The following CHCHD6 variants were observed in gnomAD, a reference collection of about 807,000 sequenced individuals.
CHCHD6 encodes MICOS complex subunit MIC25.
CHCHD6 carries 28 observed loss-of-function variants against 32.3 expected under a neutral mutation model. The ratio of observed to expected loss-of-function variants is 0.87; its 90% CI spans 0.64 to 1.19. The LOEUF (loss-of-function observed/expected upper bound fraction) is 1.19, where lower values mean the gene tolerates loss of function less well. CHCHD6 is among the 50% of genes most tolerant of loss of function. The probability of loss-of-function intolerance (pLI) is 0.00; values close to 1 mark genes in which losing one functional copy is unlikely to be tolerated. For synonymous variants in CHCHD6, 122 were observed against 117.5 expected (o/e 1.04, Z -0.25); for missense variants, 333 against 307.0 (o/e 1.08, Z -0.63).
chr3:126,941,278 G>A (rs932445703), intron 6 of CHCHD6, among the ~76,000 whole-genome samples: 3 of 152,126 alleles, frequency 2.0e-5, no homozygotes, highest in Non-Finnish European at 4.4e-5. Context: ...TGTCCCATTA[G>A]CACTGATATA....
rs2078699400 is a variant in CHCHD6, at chr3:126,950,348, A to G, written c.567-7068A>G. On this transcript the variant is annotated intron_variant, in intron 6 of 7. Transcript: ENST00000290913. ...GTCCTACAAGAAGGGAGGTCTGCAG[A>G]GAAGCTTATTGTGGATCAGCAGGAA... Among the ~76,000 whole-genome samples, 3 of 152,108 alleles carry G rather than the reference A, an allele frequency of 2.0e-5. No homozygotes were observed. The South Asian group carries it at 6.2e-4, about 31-fold the overall frequency.
intron 5 of CHCHD6, among the ~76,000 whole-genome samples, chr3:126,903,470 A>G (rs985057536): frequency 1.3e-5 from 2 of 152,168 alleles, no homozygotes; most frequent in Non-Finnish European, 2.9e-5. Context: ...ACCCTGTACA[A>G]TCTTATTCAG....
At chr3:126,959,039 C>G (rs1177882500) in intron 7 of CHCHD6, among the ~76,000 whole-genome samples, 2 of 152,350 alleles carry the variant, frequency 1.3e-5, no homozygotes, top group African/African-American at 4.8e-5. Context: ...AGACTCCATC[C>G]TCTCTCCATC....
intron 4 of CHCHD6, among the ~76,000 whole-genome samples, chr3:126,735,965 G>T (rs577257245): frequency 3.9e-5 from 6 of 152,326 alleles, no homozygotes; most frequent in Non-Finnish European, 8.8e-5. Flanking sequence ...CAGAGGAGAA[G>T]GGAAGATAGT....
At chr3:126,852,481 T>TA (rs1419031034) in intron 4 of CHCHD6, among the ~76,000 whole-genome samples, 166 bp from the exon 5 acceptor site, 1 of 152,210 alleles carries the variant, frequency 6.6e-6, no homozygotes, top group Admixed American at 6.5e-5. Context: ...TTGTGAAAAT[T>TA]AAGCACAATA....
At chr3:126,764,980 C>T (rs200763108) in intron 4 of CHCHD6, among the ~76,000 whole-genome samples, 1 of 152,126 alleles carries the variant, frequency 6.6e-6, no homozygotes, top group East Asian at 1.9e-4. Context: ...TTGGGACTGG[C>T]GGGACAGACA....
chr3:126,773,840 A>G (rs1937588493), intron 4 of CHCHD6, among the ~76,000 whole-genome samples: 3 of 152,066 alleles, frequency 2.0e-5, no homozygotes, highest in Non-Finnish European at 4.4e-5. Context: ...ACCTCAGCTC[A>G]GGCAATCCTC....
At chr3:126,793,710 C>G (rs1427855891) in intron 4 of CHCHD6, among the ~76,000 whole-genome samples, 1 of 152,026 alleles carries the variant, frequency 6.6e-6, no homozygotes, top group Non-Finnish European at 1.5e-5. Context: ...TTTGTCCCTC[C>G]CTCCTTCCTT....
intron 1 of CHCHD6, among the ~76,000 whole-genome samples, chr3:126,722,158 A>T (rs1004968626): frequency 1.3e-5 from 2 of 152,128 alleles, no homozygotes; most frequent in African/African-American, 2.4e-5. Flanking sequence ...GACTTTAAAA[A>T]TTTATTTATT....
At chr3:126,914,213 C>T (rs1476589067) in intron 5 of CHCHD6, among the ~76,000 whole-genome samples, 1 of 152,144 alleles carries the variant, frequency 6.6e-6, no homozygotes, top group Non-Finnish European at 1.5e-5. Context: ...GAAAGTCCAC[C>T]TATAAAATAG....
At chr3:126,722,553 T>C (rs367561164) in intron 1 of CHCHD6, among the ~76,000 whole-genome samples, 51 of 152,348 alleles carry the variant, frequency 3.3e-4, no homozygotes, top group African/African-American at 1.2e-3. Flanking sequence ...TAGAGACTAA[T>C]GATGTTGAGC....
At chr3:126,822,400 T>A (rs1202927583) in intron 4 of CHCHD6, among the ~76,000 whole-genome samples, 1 of 152,232 alleles carries the variant, frequency 6.6e-6, no homozygotes, top group Non-Finnish European at 1.5e-5. Flanking sequence ...TATATTTATT[T>A]TTGGACTCAG....
intron 5 of CHCHD6, among the ~76,000 whole-genome samples, chr3:126,867,950 T>C (rs1250900127): frequency 1.3e-5 from 2 of 152,240 alleles, no homozygotes; most frequent in Admixed American, 1.3e-4. Context: ...AGAGCTGAGA[T>C]TCCTTAGCTT....
intron 1 of CHCHD6, among the ~76,000 whole-genome samples, chr3:126,721,012 A>T (rs891841429): frequency 1.3e-5 from 2 of 152,046 alleles, no homozygotes; most frequent in Non-Finnish European, 2.9e-5. Context: ...TCTTAGAATA[A>T]TTTTCTTAAT....
intron 4 of CHCHD6, among the ~76,000 whole-genome samples, chr3:126,740,460 C>T (rs1285819264): frequency 1.3e-5 from 2 of 152,118 alleles, no homozygotes; most frequent in African/African-American, 2.4e-5. Flanking sequence ...TTAGTGCACC[C>T]TGTTTGTTGT....
intron 5 of CHCHD6, among the ~76,000 whole-genome samples, chr3:126,889,761 C>T (rs1297742672): frequency 4.6e-5 from 7 of 152,236 alleles, no homozygotes; most frequent in Admixed American, 3.3e-4. Flanking sequence ...CTGGAGACTC[C>T]GTGAGTGTCA....
chr3:126,750,198 A>G (rs1247359422), intron 4 of CHCHD6, among the ~76,000 whole-genome samples: 2 of 152,206 alleles, frequency 1.3e-5, no homozygotes, highest in African/African-American at 4.8e-5. Context: ...CAATGCTGTC[A>G]ATTCTGCCCA....
chr3:126,874,399 C>G (rs966660436), intron 5 of CHCHD6, among the ~76,000 whole-genome samples: 2 of 152,142 alleles, frequency 1.3e-5, no homozygotes, highest in African/African-American at 4.8e-5. Context: ...ATGGAGCTGG[C>G]CAACGTCTGG....
At chr3:126,757,187 T>C (rs1046303292) in intron 4 of CHCHD6, among the ~76,000 whole-genome samples, 1 of 152,222 alleles carries the variant, frequency 6.6e-6, no homozygotes, top group Non-Finnish European at 1.5e-5. Flanking sequence ...GAAATGCTCA[T>C]TGGAGCATTT....
Sources: gnomAD v4.1 joint callset for allele counts (sites outside exome capture counted in the v4.1 genomes callset) on GRCh38, gnomAD v4.1.1 for gene constraint, MANE v1.5 for transcripts, NCBI Gene and HGNC (gene_info 2026-07-23, HGNC 2026-07-21) for gene names.